The following OXCT1 variants were observed in gnomAD, a reference collection of about 807,000 sequenced individuals.
The protein encoded by OXCT1 is succinyl-CoA:3-ketoacid coenzyme A transferase 1, mitochondrial.
In OXCT1, 27 loss-of-function variants were observed where a neutral mutation model predicts 69.6. The ratio of observed to expected loss-of-function variants is 0.39; its 90% CI spans 0.29 to 0.54. The LOEUF is 0.54. Ranked by LOEUF, OXCT1 falls within the 20% of genes least tolerant of loss-of-function variation. The pLI is 0.72. For missense variants in OXCT1, 437 were observed against 650.2 expected (o/e 0.67, Z 3.57); for synonymous variants, 202 against 217.8 (o/e 0.93, Z 0.64).
At chr5:41,793,461 T>A (rs992120209) in intron 13 of OXCT1, among the ~76,000 whole-genome samples, 1 of 152,240 alleles carries the variant, frequency 6.6e-6, no homozygotes, top group South Asian at 2.1e-4. Flanking sequence ...TAGGTCACTA[T>A]TAAATGACAA....
intron 7 of OXCT1, among the ~76,000 whole-genome samples, chr5:41,817,300 T>G (rs777011960): frequency 3.5e-4 from 53 of 152,198 alleles, no homozygotes; most frequent in Non-Finnish European, 6.3e-4. Context: ...GATTTGTGGT[T>G]TCAGCCCTAA....
At chr5:41,793,943 G>C (rs2112228361) in intron 13 of OXCT1, 60 bp downstream of exon 13, 1 of 987,878 alleles carries the variant, frequency 1.0e-6, no homozygotes, top group Non-Finnish European at 1.6e-6. Context: ...CTTTTTCTTA[G>C]TATTTAAAAT....
chr5:41,739,884 A>T (rs1162341277), intron 15 of OXCT1, among the ~76,000 whole-genome samples: 1 of 151,884 alleles, frequency 6.6e-6, no homozygotes, highest in East Asian at 1.9e-4. Flanking sequence ...AAAAAAAAAA[A>T]AAGGAAACAC....
At chr5:41,756,719 G>T (rs1382014241) in intron 14 of OXCT1, among the ~76,000 whole-genome samples, 1 of 152,108 alleles carries the variant, frequency 6.6e-6, no homozygotes, top group Non-Finnish European at 1.5e-5. Flanking sequence ...GGGGAGAAAG[G>T]ATCGTCTGAA....
intron 7 of OXCT1, among the ~76,000 whole-genome samples, chr5:41,811,076 A>C (rs1746960453): frequency 6.9e-6 from 1 of 145,216 alleles, no homozygotes; most frequent in Non-Finnish European, 1.5e-5. Flanking sequence ...ACTCCAAAAG[A>C]GAGGGAAAAA....
intron 11 of OXCT1, 121 bp downstream of exon 11, chr5:41,800,898 TCTC>T: frequency 1.2e-6 from 1 of 843,720 alleles, no homozygotes; most frequent in Non-Finnish European, 2.1e-6. Flanking sequence ...AAAGCTTATC[TCTC>T]CTCCTCAACA....
intron 13 of OXCT1, among the ~76,000 whole-genome samples, chr5:41,773,588 G>A (rs1455050408): frequency 1.3e-5 from 2 of 151,542 alleles, no homozygotes; most frequent in African/African-American, 4.9e-5. Flanking sequence ...GCTACAGAGT[G>A]AGACCTTATC....
At chr5:41,807,303 A>C in intron 8 of OXCT1, 28 bp downstream of exon 8, 2 of 1,179,716 alleles carry the variant, frequency 1.7e-6, no homozygotes, top group Non-Finnish European at 2.5e-6. Flanking sequence ...GGATCCATGA[A>C]TACTGACAAA....
At chr5:41,809,343 C>G (rs1181735676) in intron 7 of OXCT1, among the ~76,000 whole-genome samples, 1 of 151,808 alleles carries the variant, frequency 6.6e-6, no homozygotes, top group Non-Finnish European at 1.5e-5. Context: ...ACTAGAAAAT[C>G]ATAAGTGGAG....
Position 41,870,074 on chromosome 5 carries a change from A to G in OXCT1, c.78+207T>C. 1.7e-6 allele frequency: 1 copy of G among 604,152 alleles called. No homozygotes were observed. The highest frequency in any genetic ancestry group is 1.8e-5 in the South Asian group (1 of 54,578). 37.4% of individuals were successfully genotyped at this position (604,152 alleles called of 1,614,324 possible). On this transcript the variant is annotated intron_variant, in intron 1 of 16. Coordinates refer to ENST00000196371, the MANE Select transcript of OXCT1 (RefSeq NM_000436.4). The surrounding 1 kb of genome is among the most constrained non-coding windows in gnomAD (Gnocchi z 4.2). ...CGCGTCTCGCTCCATCAGGGAAGCG[A>G]CTGCAGAACCAAGCAAAGGCGGTCA...
chr5:41,848,174 T>A lies in OXCT1; in HGVS notation c.564+1856A>T, dbSNP rs1238828785. Among the ~76,000 whole-genome samples, 8 of 151,734 alleles carry A rather than the reference T, an allele frequency of 5.3e-5. No homozygotes were observed. In the South Asian group the frequency reaches 1.7e-3, roughly 32 times the overall value. On this transcript the variant is annotated intron_variant, in intron 5 of 16. Transcript: ENST00000196371. ...GAGCCAAATCATGAGTGAACTCCCATTCACAATTGCTTCAAAGAGAATAAA... is the reference window on the plus strand; with the variant it reads ...GAGCCAAATCATGAGTGAACTCCCAATCACAATTGCTTCAAAGAGAATAAA...
intron 7 of OXCT1, among the ~76,000 whole-genome samples, chr5:41,820,555 A>T (rs1197492172): frequency 6.6e-6 from 1 of 152,212 alleles, no homozygotes; most frequent in East Asian, 1.9e-4. Context: ...GGGATTAGTG[A>T]ACTGCAAAAA....
intron 13 of OXCT1, among the ~76,000 whole-genome samples, chr5:41,772,936 G>A (rs1744944185): frequency 6.6e-6 from 1 of 152,106 alleles, no homozygotes; most frequent in African/African-American, 2.4e-5. Context: ...TCCCAAAAGG[G>A]AAAAGCACAT....
chr5:41,816,123 G>A (rs1319585947), intron 7 of OXCT1, among the ~76,000 whole-genome samples: 1 of 152,086 alleles, frequency 6.6e-6, no homozygotes, highest in Admixed American at 6.6e-5. Context: ...ATTTAAAATT[G>A]TTTAGCACGT....
intron 15 of OXCT1, 97 bp downstream of exon 15, chr5:41,749,430 T>C: frequency 1.4e-6 from 1 of 728,988 alleles, no homozygotes; most frequent in Admixed American, 2.0e-5. Flanking sequence ...ACTAAATTAA[T>C]CCTATGACTA....
At chr5:41,824,225 C>A (rs1747698506) in intron 7 of OXCT1, among the ~76,000 whole-genome samples, 1 of 152,134 alleles carries the variant, frequency 6.6e-6, no homozygotes, top group Non-Finnish European at 1.5e-5. Flanking sequence ...AAAATATACA[C>A]AATAAAACCT....
intron 13 of OXCT1, among the ~76,000 whole-genome samples, chr5:41,792,734 A>C (rs1745983772): frequency 6.6e-6 from 1 of 152,088 alleles, no homozygotes; most frequent in African/African-American, 2.4e-5. Context: ...ATAATCCACA[A>C]TTTGCTAAGG....
chr5:41,861,636 G>C (rs1749744603), intron 2 of OXCT1, among the ~76,000 whole-genome samples: 1 of 152,088 alleles, frequency 6.6e-6, no homozygotes. Context: ...ACAAGTATAA[G>C]CCAAGTGCAA....
At chr5:41,792,310 T>C (rs1745962395) in intron 13 of OXCT1, among the ~76,000 whole-genome samples, 1 of 152,142 alleles carries the variant, frequency 6.6e-6, no homozygotes, top group Non-Finnish European at 1.5e-5. Context: ...AAGACTTTAA[T>C]CCACAACTAT....
Sources: gnomAD v4.1 joint callset for allele counts (sites outside exome capture counted in the v4.1 genomes callset) on GRCh38, gnomAD v4.1.1 for gene constraint, Gnocchi (gnomAD v3.1) non-coding constraint, MANE v1.5 for transcripts, NCBI Gene and HGNC (gene_info 2026-07-23, HGNC 2026-07-21) for gene names.